Variants in AHNAK observed in about 807,000 individuals in gnomAD.
AHNAK encodes AHNAK nucleoprotein, also known as neuroblast differentiation-associated protein AHNAK.
In AHNAK, 23 loss-of-function variants were observed where a neutral mutation model predicts 37.8. That is an observed-to-expected ratio of 0.61 (90% CI 0.44 to 0.86). The LOEUF (loss-of-function observed/expected upper bound fraction) is 0.86, where lower values mean the gene tolerates loss of function less well. Among genes scored for constraint, AHNAK ranks in the 40% least tolerant of loss-of-function variants. The pLI, the probability that AHNAK is intolerant of heterozygous loss-of-function variation, is 0.00. For synonymous variants in AHNAK, 2,481 were observed against 2,636.3 expected (o/e 0.94, Z 1.80); for missense variants, 7,411 against 7,319.4 (o/e 1.01, Z -0.46).
chr11:62,517,487 C>T lies in AHNAK; in HGVS notation c.16930G>A (p.Gly5644Arg). The change falls in exon 5 of 5, where the codon GGG becomes AGG. Residue 5644 changes from glycine (G) to arginine (R), a missense_variant. Coordinates refer to ENST00000378024, the MANE Select transcript of AHNAK (RefSeq NM_001620.3). ...CCACTTTCCAAGTGACCTTGAGGCC[C>T]AGACACACTCAGCCCAGGAGCCTGG... ...GLQAPGLSVSGPQGHLESGSG... is the reference protein window; with the variant it reads ...GLQAPGLSVSRPQGHLESGSG... 2 of 1,614,166 alleles carry T rather than the reference C, an allele frequency of 1.2e-6. No homozygotes were observed. The highest frequency in any genetic ancestry group is 1.7e-6 in the Non-Finnish European group (2 of 1,180,032).
chr11:62,441,983 G>A (rs75388934), intron 5 of AHNAK, among the ~76,000 whole-genome samples: 7 of 152,176 alleles, frequency 4.6e-5, no homozygotes, highest in African/African-American at 9.6e-5. Flanking sequence ...ACAAGTCGGC[G>A]CAAATCACCC....
At chr11:62,458,780 A>T (rs1241562577) in intron 5 of AHNAK, among the ~76,000 whole-genome samples, 1 of 116,252 alleles carries the variant, frequency 8.6e-6, no homozygotes, top group Non-Finnish European at 1.9e-5. Context: ...CCTGCACCAG[A>T]CTCACCTGGA....
In AHNAK at chr11:62,526,920, G is replaced by A. The variant is rs370900359; in HGVS notation, c.7497C>T (p.Pro2499=). ...GGTGCCAGTCTGGAGCTTGGACATC[G>A]GGGGCATTTACATCAACTTTGGGGC... The part of the protein sequence containing the change: ...IRGPKVDVNA[P]DVQAPDWHLK... The change falls in exon 5 of 5, where the codon CCC becomes CCT. Residue 2499 remains proline (P), a synonymous_variant. Transcript: ENST00000378024. The A allele has an allele frequency of 5.7e-5, 92 of 1,614,060 alleles. No individual in the cohort carries two copies. Among genetic ancestry groups the A allele is most frequent in the East Asian group, 2.0e-4 (9 of 44,890 alleles).
intron 5 of AHNAK, among the ~76,000 whole-genome samples, chr11:62,452,902 G>T (rs575925053): frequency 2.6e-4 from 40 of 152,262 alleles, no homozygotes; most frequent in Non-Finnish European, 5.4e-4. Flanking sequence ...GCACGCACCT[G>T]TAGTCCCAGC....
chr11:62,541,867 G>A (rs1006015057), intron 1 of AHNAK: 2 of 152,220 alleles, frequency 1.3e-5, no homozygotes, highest in African/African-American at 4.8e-5. Context: ...ATCCCTTCCA[G>A]GGCCTGGCCC....
At chr11:62,534,967 G>T in intron 4 of AHNAK, 36 bp downstream of exon 4, 1 of 1,585,918 alleles carries the variant, frequency 6.3e-7, no homozygotes, top group Non-Finnish European at 8.6e-7. Context: ...ATGGCCGGGG[G>T]AGCTCAGGGC....
chr11:62,438,642 A>C (rs139507338), intron 5 of AHNAK, among the ~76,000 whole-genome samples: 171 of 151,982 alleles, frequency 1.1e-3, no homozygotes, highest in African/African-American at 4.0e-3. Flanking sequence ...GTGCCCTTGG[A>C]TGAAGAGAGG....
intron 5 of AHNAK, among the ~76,000 whole-genome samples, chr11:62,461,781 C>T (rs1305677583): frequency 4.0e-5 from 6 of 149,180 alleles, no homozygotes; most frequent in African/African-American, 1.2e-4. Flanking sequence ...GCCGAGATGG[C>T]GCCATTGCAC....
chr11:62,454,272 G>A (rs1341198302), intron 5 of AHNAK, among the ~76,000 whole-genome samples: 1 of 151,090 alleles, frequency 6.6e-6, no homozygotes, highest in Non-Finnish European at 1.5e-5. Flanking sequence ...AATTAGCCGG[G>A]CGTGGTGGCG....
intron 5 of AHNAK, among the ~76,000 whole-genome samples, chr11:62,467,934 C>A (rs143178954): frequency 2.6e-5 from 4 of 152,136 alleles, no homozygotes; most frequent in African/African-American, 7.2e-5. Context: ...CTTCCTGAAG[C>A]CTTATCTCAG....
Position 62,526,033 on chromosome 11 carries a change from A to G in AHNAK, c.8384T>C (p.Ile2795Thr), listed in dbSNP as rs759651288. 9 of 1,613,360 alleles carry G rather than the reference A, an allele frequency of 5.6e-6. No individual in the cohort carries two copies. The African/African-American group carries it at 6.7e-5, about 12-fold the overall frequency. The change falls in exon 5 of 5, where the codon ATT becomes ACT. Residue 2795 changes from isoleucine to threonine, a missense_variant. By Grantham distance (89) the Ile-to-Thr change is moderately conservative. Transcript: ENST00000378024. ...DVDVNLPKAD[I>T]DVSGPKVDVE... ...ATCCACTTTCGGTCCTGAGACATCA[A>G]TGTCAGCCTTGGGCAGGTTCACGTC...
chr11:62,450,332 G>A (rs969838355), intron 5 of AHNAK, among the ~76,000 whole-genome samples: 7 of 151,194 alleles, frequency 4.6e-5, no homozygotes, highest in African/African-American at 1.7e-4. Flanking sequence ...TATTTTTTTT[G>A]TATTTGTTGT....
chr11:62,447,772 T>C (rs1938447534), intron 5 of AHNAK, among the ~76,000 whole-genome samples: 1 of 152,168 alleles, frequency 6.6e-6, no homozygotes, highest in African/African-American at 2.4e-5. Context: ...ACCTCTGAAG[T>C]TCATGCCCTC....
intron 4 of AHNAK, among the ~76,000 whole-genome samples, chr11:62,493,894 A>G (rs1050570246): frequency 6.6e-6 from 1 of 152,106 alleles, no homozygotes; most frequent in Non-Finnish European, 1.5e-5. Context: ...CAAATTCTTC[A>G]TTAGAGTTTT....
exon 6 of AHNAK, chr11:62,433,833 A>G: frequency 6.2e-7 from 1 of 1,612,592 alleles, no homozygotes; most frequent in Non-Finnish European, 8.5e-7. Flanking sequence ...TGCTCCAAAG[A>G]ACGGTCACAA....
At chr11:62,487,070 C>T (rs1032317908) in intron 5 of AHNAK, among the ~76,000 whole-genome samples, 43 of 152,172 alleles carry the variant, frequency 2.8e-4, no homozygotes, top group African/African-American at 9.9e-4. Context: ...GGGTTTGAAA[C>T]AACAGAACAG....
Position 62,519,168 on chromosome 11 carries a change from C to T in AHNAK, c.15249G>A (p.Thr5083=), listed in dbSNP as rs761433225. 2.1e-5 allele frequency: 34 copies of T among 1,613,006 alleles called. No individual in the cohort carries two copies. Among genetic ancestry groups the T allele is most frequent in the South Asian group, 2.0e-4 (18 of 90,820 alleles). The change falls in exon 5 of 5, where the codon ACG becomes ACA. Residue 5083 remains threonine (T), a synonymous_variant. Transcript: ENST00000378024. ...VDVKSPKTKK[T]MFGKMYFPDV... ...CTGGGAAGTACATTTTTCCAAACAT[C>T]GTTTTCTTGGTTTTGGGCGATTTCA...
At position 62,518,900 on chromosome 11, in the gene AHNAK, T is replaced by A; in HGVS notation, c.15517A>T (p.Ile5173Phe). Residue 5173 changes from isoleucine to phenylalanine, a missense_variant, in exon 5 of 5, where the codon ATC (isoleucine) becomes TTC (phenylalanine). Coordinates refer to ENST00000378024, the MANE Select transcript of AHNAK (RefSeq NM_001620.3). ...TTAGCATCTAGGCCTTCGATGTTGATGTCAGGTGCACCCAAGTTTGCCTGC... is the reference window on the plus strand; with the variant it reads ...TTAGCATCTAGGCCTTCGATGTTGAAGTCAGGTGCACCCAAGTTTGCCTGC... Reference protein sequence around the residue: ...KVQANLGAPDINIEGLDAKVK... With the variant: ...KVQANLGAPDFNIEGLDAKVK... 1 of 1,614,248 alleles carries A rather than the reference T, an allele frequency of 6.2e-7. No homozygotes were observed. The highest frequency in any genetic ancestry group is 8.5e-7 in the Non-Finnish European group (1 of 1,180,038).
At chr11:62,515,409 C>T (rs964738637), downstream of AHNAK, among the ~76,000 whole-genome samples, 3 of 152,148 alleles carry the variant, frequency 2.0e-5, no homozygotes, top group Non-Finnish European at 4.4e-5. Flanking sequence ...CCCAGCTACT[C>T]GGGAGGCTGA....
Sources: gnomAD v4.1 joint callset for allele counts (sites outside exome capture counted in the v4.1 genomes callset) on GRCh38, gnomAD v4.1.1 for gene constraint, MANE v1.5 for transcripts, NCBI Gene and HGNC (gene_info 2026-07-23, HGNC 2026-07-21) for gene names.